SPAG16: variants seen among roughly 807,000 people sequenced by gnomAD.
SPAG16 encodes sperm associated antigen 16, also known as sperm-associated antigen 16 protein.
In SPAG16, 86 loss-of-function variants were observed where a neutral mutation model predicts 80.4. The ratio of observed to expected loss-of-function variants is 1.07; its 90% CI spans 0.90 to 1.28. The LOEUF is 1.28. SPAG16 is among the 50% of genes most tolerant of loss of function. The pLI is 0.00. For synonymous variants in SPAG16, 294 were observed against 265.9 expected (o/e 1.11, Z -1.03); for missense variants, 870 against 765.3 (o/e 1.14, Z -1.61).
At chr2:213,902,896 G>A (rs905922743) in intron 11 of SPAG16, among the ~76,000 whole-genome samples, 4 of 152,158 alleles carry the variant, frequency 2.6e-5, no homozygotes, top group African/African-American at 4.8e-5. Flanking sequence ...GGAGAAATTC[G>A]TCAAAACAAA....
At chr2:213,784,695 C>T in intron 10 of SPAG16, among the ~76,000 whole-genome samples, 1 of 145,898 alleles carries the variant, frequency 6.9e-6, no homozygotes. Flanking sequence ...GCTGTTTGCT[C>T]TCTAAGAGAT....
chr2:213,567,290 G>C (rs1196452490), intron 10 of SPAG16, among the ~76,000 whole-genome samples: 2 of 131,530 alleles, frequency 1.5e-5, no homozygotes, highest in Admixed American at 8.2e-5. Flanking sequence ...GTGCAGGTTA[G>C]TTACATATGT....
Position 213,610,915 on chromosome 2 carries a change from A to G in SPAG16, c.1070+120825A>G, listed in dbSNP as rs555238575. On this transcript the variant is annotated intron_variant, in intron 10 of 15. Coordinates refer to ENST00000331683, the MANE Select transcript of SPAG16 (RefSeq NM_024532.5). ...ATCTCTTTGTTCTCAAGATATCGGGATATCTGGACACTCCCAAGTCTGGGT... is the reference window on the plus strand; with the variant it reads ...ATCTCTTTGTTCTCAAGATATCGGGGTATCTGGACACTCCCAAGTCTGGGT... Among the ~76,000 whole-genome samples, 10 of 152,320 alleles carry G rather than the reference A, an allele frequency of 6.6e-5. No homozygotes were observed. The South Asian group carries it at 1.9e-3, about 28-fold the overall frequency.
At chr2:213,923,815 G>C (rs1350583012) in intron 11 of SPAG16, 1 of 152,504 alleles carries the variant, frequency 6.6e-6, no homozygotes, top group Non-Finnish European at 1.5e-5. Context: ...GCACCTTCCA[G>C]CTGAGCTCAC....
chr2:213,325,561 A>G (rs1033513078), intron 5 of SPAG16, among the ~76,000 whole-genome samples: 4 of 151,888 alleles, frequency 2.6e-5, no homozygotes, highest in African/African-American at 7.2e-5. Context: ...GACACGGGTG[A>G]TGTAGGTGTG....
intron 11 of SPAG16, among the ~76,000 whole-genome samples, chr2:213,889,092 T>C (rs1427927932): frequency 6.6e-6 from 1 of 151,988 alleles, no homozygotes; most frequent in African/African-American, 2.4e-5. Flanking sequence ...AAACATTTCA[T>C]AAGGTATATT....
intron 15 of SPAG16, among the ~76,000 whole-genome samples, chr2:214,258,359 A>G (rs987491876): frequency 6.6e-6 from 1 of 151,736 alleles, no homozygotes; most frequent in East Asian, 1.9e-4. Context: ...TTCCTGAGTT[A>G]CTTCACTTAG....
intron 4 of SPAG16, among the ~76,000 whole-genome samples, chr2:213,311,101 A>G (rs2063170349): frequency 1.3e-5 from 2 of 151,696 alleles, no homozygotes. Flanking sequence ...TGCACATGTA[A>G]TGTTAATAAA....
intron 14 of SPAG16, among the ~76,000 whole-genome samples, chr2:214,112,402 A>G (rs2053711723): frequency 6.6e-6 from 1 of 152,006 alleles, no homozygotes; most frequent in South Asian, 2.1e-4. Flanking sequence ...TCTAATATTG[A>G]CAGTGGGGTG....
At chr2:213,360,471 C>T (rs529741438) in intron 7 of SPAG16, among the ~76,000 whole-genome samples, 1 of 152,210 alleles carries the variant, frequency 6.6e-6, no homozygotes, top group South Asian at 2.1e-4. Flanking sequence ...GCTCAATTAA[C>T]CTACTCTCCA....
intron 14 of SPAG16, among the ~76,000 whole-genome samples, chr2:214,138,588 G>A (rs1432602794): frequency 1.3e-5 from 2 of 152,168 alleles, no homozygotes; most frequent in Non-Finnish European, 2.9e-5. Flanking sequence ...ACTTCAGACT[G>A]AGCAGTTGGC....
intron 15 of SPAG16, among the ~76,000 whole-genome samples, chr2:214,315,956 A>T (rs1033997960): frequency 2.2e-4 from 34 of 152,206 alleles, no homozygotes; most frequent in African/African-American, 8.2e-4. Context: ...TAATCCAGTG[A>T]CAGCAGTAAA....
chr2:213,315,437 G>C (rs889666477), intron 4 of SPAG16, among the ~76,000 whole-genome samples: 1 of 151,650 alleles, frequency 6.6e-6, no homozygotes, highest in African/African-American at 2.4e-5. Context: ...TAATCGTCCC[G>C]CTTTTACCTC....
intron 15 of SPAG16, among the ~76,000 whole-genome samples, chr2:214,274,964 C>T (rs993110245): frequency 2.0e-5 from 3 of 152,114 alleles, no homozygotes; most frequent in African/African-American, 7.2e-5. Context: ...ATTATTGCCT[C>T]AATTTCATGG....
chr2:213,850,673 G>A (rs76057136), intron 10 of SPAG16, among the ~76,000 whole-genome samples: 2,890 of 149,946 alleles, frequency 0.019, 56 homozygotes, highest in Non-Finnish European at 0.032. Flanking sequence ...ACTCACCTTC[G>A]AGAAGAGAAA....
intron 8 of SPAG16, among the ~76,000 whole-genome samples, chr2:213,367,187 T>C (rs1432582331): frequency 1.3e-5 from 2 of 152,130 alleles, no homozygotes; most frequent in Non-Finnish European, 1.5e-5. Context: ...CAGTCTATCA[T>C]TGATGGACAT....
intron 13 of SPAG16, among the ~76,000 whole-genome samples, chr2:214,026,530 CA>C (rs1351853812): frequency 1.4e-4 from 21 of 151,562 alleles, no homozygotes; most frequent in African/African-American, 4.8e-4. Context: ...CAGGTTCTTT[CA>C]TTGAAAGAGA....
intron 10 of SPAG16, among the ~76,000 whole-genome samples, chr2:213,636,097 C>A (rs1171535209): frequency 6.6e-6 from 1 of 152,064 alleles, no homozygotes; most frequent in Non-Finnish European, 1.5e-5. Context: ...ATATTTAAGT[C>A]TTTGATTCAT....
intron 9 of SPAG16, among the ~76,000 whole-genome samples, chr2:213,440,512 G>A (rs769176991): frequency 1.2e-4 from 18 of 152,110 alleles, no homozygotes; most frequent in Admixed American, 3.9e-4. Context: ...CCAAGATTGC[G>A]CCACTGTGCT....
Sources: allele counts gnomAD v4.1 joint callset (sites outside exome capture counted in the v4.1 genomes callset), GRCh38; gene constraint gnomAD v4.1.1; transcripts MANE v1.5; gene names NCBI Gene and HGNC (gene_info 2026-07-23, HGNC 2026-07-21).